The following ROBO2 variants were observed in gnomAD, a reference collection of about 807,000 sequenced individuals.
The protein encoded by ROBO2 is roundabout guidance receptor 2, also known as roundabout homolog 2.
In ROBO2, 53 loss-of-function variants were observed where a neutral mutation model predicts 160.8. The observed-to-expected ratio is 0.33, with a 90% CI of 0.26 to 0.41. The LOEUF (loss-of-function observed/expected upper bound fraction) is 0.41, where lower values mean the gene tolerates loss of function less well. ROBO2 is among the 10% of genes least tolerant of loss of function. ROBO2 has a pLI of 1.00. For synonymous variants in ROBO2, 664 were observed against 611.7 expected (o/e 1.09, Z -1.26); for missense variants, 1,577 against 1,722.4 (o/e 0.92, Z 1.49).
intron 2 of ROBO2, among the ~76,000 whole-genome samples, chr3:76,221,889 A>G (rs954666008): frequency 6.6e-6 from 1 of 152,188 alleles, no homozygotes; most frequent in African/African-American, 2.4e-5. Flanking sequence ...AGACAAATCC[A>G]TAACCTGAGA....
intron 2 of ROBO2, among the ~76,000 whole-genome samples, chr3:76,478,149 G>T (rs1477388220): frequency 1.3e-5 from 2 of 148,704 alleles, no homozygotes; most frequent in East Asian, 2.0e-4. Flanking sequence ...TTAACATTAG[G>T]TATATCTCCT....
chr3:76,600,818 T>TC (rs926862463), intron 2 of ROBO2, among the ~76,000 whole-genome samples: 39 of 151,980 alleles, frequency 2.6e-4, no homozygotes, highest in Admixed American at 1.2e-3. Context: ...TTCCCACCAG[T>TC]CCCCCAAAGC....
At chr3:76,900,484 T>C (rs1298228940) in intron 2 of ROBO2, among the ~76,000 whole-genome samples, 1 of 152,176 alleles carries the variant, frequency 6.6e-6, no homozygotes, top group Non-Finnish European at 1.5e-5. Context: ...ATTTTCAATG[T>C]GCATAAATCC....
At chr3:76,180,136 T>C (rs1701435601) in intron 2 of ROBO2, among the ~76,000 whole-genome samples, 1 of 152,170 alleles carries the variant, frequency 6.6e-6, no homozygotes, top group African/African-American at 2.4e-5. Context: ...AATTCTGTTA[T>C]TGTGAATGCC....
intron 2 of ROBO2, among the ~76,000 whole-genome samples, chr3:76,571,215 T>G (rs2084939974): frequency 6.6e-6 from 1 of 152,092 alleles, no homozygotes; most frequent in African/African-American, 2.4e-5. Flanking sequence ...AAGAAAACAT[T>G]CTCAAAGCCA....
chr3:76,726,273 A>G (rs2093551778), intron 2 of ROBO2, among the ~76,000 whole-genome samples: 2 of 152,012 alleles, frequency 1.3e-5, no homozygotes, highest in African/African-American at 4.8e-5. Flanking sequence ...ATCTCTGTCT[A>G]CCTGTTCAGT....
intron 2 of ROBO2, among the ~76,000 whole-genome samples, chr3:76,934,959 A>ATTTTTTTTTTT (rs1362508946): frequency 2.0e-5 from 3 of 147,398 alleles, no homozygotes; most frequent in Admixed American, 2.0e-4. Context: ...GGCTTCACAA[A>ATTTTTTTTTTT]TTTTTTTTTT....
intron 2 of ROBO2, among the ~76,000 whole-genome samples, chr3:76,790,535 TA>T (rs2063292779): frequency 6.6e-6 from 1 of 151,728 alleles, no homozygotes; most frequent in African/African-American, 2.4e-5. Flanking sequence ...TTAATACATC[TA>T]ACCTGCCAAA....
intron 2 of ROBO2, among the ~76,000 whole-genome samples, chr3:77,009,266 A>T (rs1425147737): frequency 6.6e-6 from 1 of 152,190 alleles, no homozygotes; most frequent in Non-Finnish European, 1.5e-5. Context: ...CCAATAACTT[A>T]CTGAAATACT....
At chr3:77,588,587 T>A (rs1284968285) in intron 16 of ROBO2, among the ~76,000 whole-genome samples, 164 bp from the exon 18 acceptor site, 2 of 152,150 alleles carry the variant, frequency 1.3e-5, no homozygotes, top group Non-Finnish European at 2.9e-5. Flanking sequence ...TTGATTATTC[T>A]TTTGAAAATT....
chr3:77,143,691 G>A (rs2076902815), intron 2 of ROBO2, among the ~76,000 whole-genome samples: 2 of 152,104 alleles, frequency 1.3e-5, no homozygotes. Flanking sequence ...AGAAAATATA[G>A]AGTCGAGAGT....
At chr3:77,057,941 G>GT (rs1295127485) in intron 1 of ROBO2, among the ~76,000 whole-genome samples, 3 of 151,798 alleles carry the variant, frequency 2.0e-5, no homozygotes, top group African/African-American at 7.3e-5. Context: ...GTATACCTAT[G>GT]TAACAAAGCT....
At chr3:76,365,926 G>T (rs1195395977) in intron 2 of ROBO2, among the ~76,000 whole-genome samples, 1 of 151,904 alleles carries the variant, frequency 6.6e-6, no homozygotes, top group East Asian at 1.9e-4. Context: ...ACATGGTGAT[G>T]GCTTATATTC....
rs149789515 is a variant in ROBO2 at position 76,794,552 on chromosome 3, G to A, written c.110-303462G>A. ...TATTTTCATTAAAATGGTTTTCTCT[G>A]TCTGAACAATCTATGTTATTCATTT... On this transcript the variant is annotated intron_variant, in intron 2 of 26. Transcript: ENST00000487694. Among the ~76,000 whole-genome samples, 217 of 151,996 alleles carry A rather than the reference G, an allele frequency of 1.4e-3. 1 individual carries two copies. Among genetic ancestry groups the A allele is most frequent in the African/African-American group, 5.1e-3 (212 of 41,506 alleles).
chr3:77,277,160 C>CTTTCCTTCTTTCCTTCTTTCTT (rs2059899219), intron 2 of ROBO2, among the ~76,000 whole-genome samples: 2 of 75,374 alleles, frequency 2.7e-5, no homozygotes, highest in African/African-American at 1.2e-4. Flanking sequence ...TTCTTTCCTT[C>CTTTCCTTCTTTCCTTCTTTCTT]TTTCTTTCTT....
chr3:76,595,372 T>A (rs552137911), intron 2 of ROBO2, among the ~76,000 whole-genome samples: 1 of 152,200 alleles, frequency 6.6e-6, no homozygotes, highest in South Asian at 2.1e-4. Flanking sequence ...ATATTATGTA[T>A]TTTGTTACAT....
At position 76,196,272 on chromosome 3, in the gene ROBO2, G is replaced by A. The variant is rs1702257334; in HGVS notation, c.109+258670G>A. On this transcript the variant is annotated intron_variant, in intron 2 of 26. Coordinates refer to the ROBO2 transcript ENST00000487694. ...AAGTCTAACAGCAATTGAATTCTTG[G>A]TATTTACCTGGCACTATCCTAAGAA... is the stretch of plus-strand genomic sequence containing the variant. Among the ~76,000 whole-genome samples the A allele has an allele frequency of 1.3e-5, 2 of 152,078 alleles. 1 individual carries two copies. Among genetic ancestry groups the A allele is most frequent in the African/African-American group, 4.8e-5 (2 of 41,416 alleles).
chr3:76,353,166 G>A (rs769490227), intron 2 of ROBO2, among the ~76,000 whole-genome samples: 3 of 152,060 alleles, frequency 2.0e-5, no homozygotes, highest in Non-Finnish European at 4.4e-5. Flanking sequence ...TTGGATCCCT[G>A]TTTCACGCAG....
At chr3:77,001,223 C>T (rs542106577) in intron 2 of ROBO2, among the ~76,000 whole-genome samples, 31 of 152,206 alleles carry the variant, frequency 2.0e-4, no homozygotes, top group South Asian at 6.2e-4. Context: ...TTAAAGCAGA[C>T]GCATTTTCAA....
Sources: allele counts gnomAD v4.1 joint callset (sites outside exome capture counted in the v4.1 genomes callset), GRCh38; gene constraint gnomAD v4.1.1; transcripts MANE v1.5; gene names NCBI Gene and HGNC (gene_info 2026-07-23, HGNC 2026-07-21).